Variants in PTPN3 observed in about 807,000 individuals in gnomAD.
The protein encoded by PTPN3 is protein tyrosine phosphatase non-receptor type 3.
PTPN3 carries 96 observed loss-of-function variants against 132.7 expected under a neutral mutation model. The ratio of observed to expected loss-of-function variants is 0.72; its 90% CI spans 0.61 to 0.86. The LOEUF (loss-of-function observed/expected upper bound fraction) is 0.86. PTPN3 is among the 40% of genes least tolerant of loss of function. The pLI is 0.00. For synonymous variants in PTPN3, 398 were observed against 429.0 expected, an observed-to-expected ratio of 0.93 and a Z score of 0.89; for missense variants, 1,125 against 1,159.6, an observed-to-expected ratio of 0.97 and a Z score of 0.43.
At chr9:109,513,459 C>G in the PTPN3 span, among the ~76,000 whole-genome samples, 2 of 152,202 alleles carry the variant, frequency 1.3e-5, no homozygotes, top group African/African-American at 2.4e-5. Flanking sequence ...CCTGTTCCCC[C>G]CCAGAACACC....
chr9:109,441,965 T>C (rs931718166), intron 7 of PTPN3, among the ~76,000 whole-genome samples: 3 of 152,234 alleles, frequency 2.0e-5, no homozygotes, highest in African/African-American at 4.8e-5. Context: ...TGAGGACTTA[T>C]ATCAGATGCC....
At chr9:109,521,057 A>T in the PTPN3 span, among the ~76,000 whole-genome samples, 7 of 152,110 alleles carry the variant, frequency 4.6e-5, no homozygotes, top group Admixed American at 3.9e-4. Context: ...TATACCCTCC[A>T]CTCAAGTGTA....
At chr9:109,492,479 T>C (rs2132125548) in intron 1 of PTPN3, among the ~76,000 whole-genome samples, 1 of 152,308 alleles carries the variant, frequency 6.6e-6, no homozygotes, top group East Asian at 1.9e-4. Flanking sequence ...ATCAAAGCAC[T>C]TGTCTGGAGG....
upstream of PTPN3, among the ~76,000 whole-genome samples, chr9:109,503,254 C>A (rs375311703): frequency 6.6e-6 from 1 of 152,138 alleles, no homozygotes; most frequent in East Asian, 1.9e-4. Context: ...ATTTCTGGCT[C>A]AGGAGCGAGA....
At chr9:109,449,321 G>T in intron 5 of PTPN3, 2 of 988,256 alleles carry the variant, frequency 2.0e-6, no homozygotes, top group Non-Finnish European at 2.4e-6. Context: ...AAAAGGAGGG[G>T]AGTCTGTGAA....
chr9:109,402,940 T>C (rs935124357), intron 19 of PTPN3, among the ~76,000 whole-genome samples: 4 of 151,484 alleles, frequency 2.6e-5, no homozygotes, highest in African/African-American at 9.7e-5. Flanking sequence ...TAGCCAGGAG[T>C]GGTGGTGCAT....
chr9:109,501,721 T>A (rs1039971530), upstream of PTPN3, among the ~76,000 whole-genome samples: 1 of 152,178 alleles, frequency 6.6e-6, no homozygotes, highest in African/African-American at 2.4e-5. Context: ...CAATTGGGAA[T>A]AGAGCTGTAC....
chr9:109,410,497 C>G, intron 14 of PTPN3, 82 bp from the exon 15 acceptor site: 1 of 1,433,926 alleles, frequency 7.0e-7, no homozygotes, highest in Admixed American at 1.9e-5. Context: ...AGGGGCCTGG[C>G]AGCTGGGGGC....
At chr9:109,533,850 T>G in the PTPN3 span, 2 of 825,360 alleles carry the variant, frequency 2.4e-6, no homozygotes, top group Non-Finnish European at 4.1e-6. Context: ...TTCTGGTAGT[T>G]TTGCTGGTAA....
At chr9:109,385,934 T>C (rs1402363774) in intron 22 of PTPN3, among the ~76,000 whole-genome samples, 2 of 152,226 alleles carry the variant, frequency 1.3e-5, no homozygotes, top group African/African-American at 2.4e-5. Context: ...GGAGATGGTT[T>C]CTGAAAGGAT....
rs1838941968 is a variant in PTPN3 at position 109,380,255 on chromosome 9, AT to A, written c.2665-623del. On this transcript the variant is annotated intron_variant, in intron 25 of 25. Transcript: ENST00000374541. The stretch of plus-strand genomic sequence containing the variant: ...TATCTATCTATCTATCTATCTATCT[AT>A]CTATCTATCTAGTTTTCAAGACAGA... Among the ~76,000 whole-genome samples, 4 of 151,398 alleles carry A rather than the reference AT, an allele frequency of 2.6e-5. No homozygotes were observed. The South Asian group carries it at 8.4e-4, about 32-fold the overall frequency.
Position 109,379,584 on chromosome 9 carries a change from CCTT to C in PTPN3, c.2711_2713del (p.Glu904del), listed in dbSNP as rs1838850282. 2 of 1,614,132 alleles carry C rather than the reference CCTT, an allele frequency of 1.2e-6. No homozygotes were observed. Among genetic ancestry groups the C allele is most frequent in the South Asian group, 1.1e-5 (1 of 91,084 alleles). On this transcript the variant is annotated inframe_deletion, in exon 26 of 26. Transcript: ENST00000374541. ...ACTAGGATCCAGCATTTGGACTAAA[CCTT>C]CTTCATACACACGAAGAATCGCTTC...
intron 10 of PTPN3, among the ~76,000 whole-genome samples, chr9:109,432,457 A>C (rs1843729974): frequency 6.6e-6 from 1 of 152,128 alleles, no homozygotes; most frequent in African/African-American, 2.4e-5. Context: ...TCCTTGCACC[A>C]TCACGTTACC....
At chr9:109,412,169 A>ACCTCTGTCTCCCTCTCTCTC (rs1246784317) in intron 14 of PTPN3, among the ~76,000 whole-genome samples, 10 of 151,392 alleles carry the variant, frequency 6.6e-5, no homozygotes, top group Admixed American at 1.3e-4. Flanking sequence ...CTCTGTCTCT[A>ACCTCTGTCTCCCTCTCTCTC]CCTCTGTCTC....
chr9:109,463,205 AT>A (rs1462167158), intron 2 of PTPN3, 91 bp downstream of exon 2: 8 of 1,276,052 alleles, frequency 6.3e-6, no homozygotes, highest in East Asian at 2.4e-5. Context: ...ATTTTAAAAT[AT>A]TTTTTTCTTC....
chr9:109,422,567 T>C, intron 13 of PTPN3, 151 bp downstream of exon 13: 1 of 861,002 alleles, frequency 1.2e-6, no homozygotes, highest in Non-Finnish European at 1.7e-6. Context: ...TAGACTTGTG[T>C]ACTTCATGAA....
At chr9:109,523,148 G>A in the PTPN3 span, among the ~76,000 whole-genome samples, 1 of 148,210 alleles carries the variant, frequency 6.7e-6, no homozygotes, top group South Asian at 2.1e-4. Context: ...ATGGAGTCTC[G>A]CTTTGTCGCC....
At chr9:109,428,725 G>A in intron 10 of PTPN3, 41 bp from the exon 11 acceptor site, 1 of 1,589,982 alleles carries the variant, frequency 6.3e-7, no homozygotes, top group Non-Finnish European at 8.5e-7. Context: ...GCACATCAGG[G>A]ATCGGCCAGG....
chr9:109,448,880 T>C (rs1183550891), intron 5 of PTPN3, 25 bp from the exon 6 acceptor site: 2 of 1,569,930 alleles, frequency 1.3e-6, no homozygotes, highest in Admixed American at 4.3e-5. Context: ...TTTTCATTAA[T>C]TCATACTCAA....
Sources: gnomAD v4.1 joint callset for allele counts (sites outside exome capture counted in the v4.1 genomes callset) on GRCh38, gnomAD v4.1.1 for gene constraint, MANE v1.5 for transcripts, NCBI Gene and HGNC (gene_info 2026-07-23, HGNC 2026-07-21) for gene names.